The following DNER variants were observed in gnomAD, a reference collection of about 807,000 sequenced individuals.
The protein encoded by DNER is delta/notch like EGF repeat containing.
DNER carries 33 observed loss-of-function variants against 78.2 expected under a neutral mutation model. That is an observed-to-expected ratio of 0.42 (90% CI 0.32 to 0.56). The LOEUF (loss-of-function observed/expected upper bound fraction) is 0.56, where lower values mean the gene tolerates loss of function less well. Among genes scored for constraint, DNER ranks in the 20% least tolerant of loss-of-function variants. The pLI, the probability that DNER is intolerant of heterozygous loss-of-function variation, is 0.11. For synonymous variants in DNER, 417 were observed against 384.8 expected (o/e 1.08, Z -0.98); for missense variants, 918 against 975.3 (o/e 0.94, Z 0.78).
rs1029656000 is a variant in DNER at position 229,521,151 on chromosome 2, A to G, written c.994-8215T>C. On this transcript the variant is annotated intron_variant, in intron 5 of 12. Transcript: ENST00000341772. Reference sequence around the variant, plus strand: ...CATCAAGTTGAGTTGGTTTCCTAACATCGGAAAGCTCTGGAATCATTTTGC... The same window carrying G: ...CATCAAGTTGAGTTGGTTTCCTAACGTCGGAAAGCTCTGGAATCATTTTGC... 4.6e-5 allele frequency among the ~76,000 whole-genome samples: 7 copies of G among 152,232 alleles called. No individual in the cohort carries two copies. The South Asian group carries it at 1.4e-3, about 31-fold the overall frequency.
At chr2:229,644,808 A>G (rs1346112642) in intron 1 of DNER, among the ~76,000 whole-genome samples, 1 of 152,138 alleles carries the variant, frequency 6.6e-6, no homozygotes, top group Non-Finnish European at 1.5e-5. Context: ...TATGGCTCTA[A>G]TTTTTAAACT....
chr2:229,367,478 G>C (rs1023987390), intron 11 of DNER, among the ~76,000 whole-genome samples: 2 of 152,096 alleles, frequency 1.3e-5, no homozygotes, highest in Non-Finnish European at 2.9e-5. Context: ...GTGGATGTCT[G>C]TAATCCCAGC....
At chr2:229,514,515 T>C (rs541252493) in intron 5 of DNER, among the ~76,000 whole-genome samples, 83 of 152,324 alleles carry the variant, frequency 5.4e-4, no homozygotes, top group African/African-American at 1.9e-3. Flanking sequence ...CATCTATTGT[T>C]TTCATCTGTG....
At chr2:229,706,268 G>A (rs2154217797) in intron 1 of DNER, among the ~76,000 whole-genome samples, 1 of 152,144 alleles carries the variant, frequency 6.6e-6, no homozygotes. Flanking sequence ...AAGTATTTTT[G>A]GGCCGGACAC....
intron 5 of DNER, among the ~76,000 whole-genome samples, chr2:229,543,763 G>A (rs936651420): frequency 4.6e-5 from 7 of 152,010 alleles, no homozygotes; most frequent in East Asian, 1.9e-4. Flanking sequence ...TATCAAATAC[G>A]TTCTCCCATA....
At chr2:229,404,109 C>T (rs975132447) in intron 10 of DNER, among the ~76,000 whole-genome samples, 1 of 151,980 alleles carries the variant, frequency 6.6e-6, no homozygotes, top group African/African-American at 2.4e-5. Flanking sequence ...GAGGTGAAGG[C>T]AGCATGGTGC....
intron 7 of DNER, among the ~76,000 whole-genome samples, chr2:229,453,289 G>A (rs537357391): frequency 2.0e-5 from 3 of 152,328 alleles, no homozygotes; most frequent in Admixed American, 6.5e-5. Flanking sequence ...CAGATGGGGG[G>A]ACAATGTGGA....
At chr2:229,602,464 C>T (rs1200891814) in intron 1 of DNER, among the ~76,000 whole-genome samples, 1 of 152,098 alleles carries the variant, frequency 6.6e-6, no homozygotes, top group Non-Finnish European at 1.5e-5. Flanking sequence ...CCATTGAGCA[C>T]TGCACTAAAG....
intron 4 of DNER, among the ~76,000 whole-genome samples, chr2:229,554,919 AGAGAAGAGAAGAGAAGAGAGAAAAGGG>A (rs1574900279): frequency 2.6e-3 from 160 of 61,538 alleles, no homozygotes; most frequent in Middle Eastern, 0.015. Context: ...AGAGAAGAGA[AGAGAAGAGAAGAGAAGAGAGAAAAGGG>A]AAGGGAAGGG....
chr2:229,443,240 A>T (rs1389114525), intron 8 of DNER, among the ~76,000 whole-genome samples: 1 of 152,202 alleles, frequency 6.6e-6, no homozygotes, highest in Admixed American at 6.5e-5. Context: ...CTCAAGTGCA[A>T]ACTATCTTCC....
chr2:229,387,567 G>GAAAGAA (rs1553602561), intron 11 of DNER, among the ~76,000 whole-genome samples: 5 of 142,362 alleles, frequency 3.5e-5, no homozygotes, highest in South Asian at 2.3e-4. Flanking sequence ...AAGAAAGAAA[G>GAAAGAA]AAAAGAAAGA....
intron 5 of DNER, among the ~76,000 whole-genome samples, chr2:229,539,029 C>A (rs1696465445): frequency 6.6e-6 from 1 of 152,180 alleles, no homozygotes; most frequent in African/African-American, 2.4e-5. Context: ...ACACACTGAA[C>A]AGAACGATTA....
At chr2:229,463,208 G>A (rs1475207681) in intron 7 of DNER, among the ~76,000 whole-genome samples, 1 of 152,016 alleles carries the variant, frequency 6.6e-6, no homozygotes. Context: ...CTGAGCTATG[G>A]GAAGTGTGCA....
intron 12 of DNER, among the ~76,000 whole-genome samples, chr2:229,365,805 CT>C (rs1160148839): frequency 2.0e-5 from 3 of 152,212 alleles, no homozygotes; most frequent in Admixed American, 2.0e-4. Flanking sequence ...ACCCATTTCC[CT>C]TGAGCCCCAA....
chr2:229,471,262 G>A (rs1366588680), intron 7 of DNER, among the ~76,000 whole-genome samples: 1 of 151,968 alleles, frequency 6.6e-6, no homozygotes, highest in Admixed American at 6.5e-5. Context: ...TGTTGCTATT[G>A]CCTGCAAATC....
intron 6 of DNER, among the ~76,000 whole-genome samples, chr2:229,482,644 C>A (rs2154211487): frequency 6.6e-6 from 1 of 152,308 alleles, no homozygotes; most frequent in African/African-American, 2.4e-5. Context: ...CAGGATTCAA[C>A]AGAAGCAGTT....
intron 2 of DNER, among the ~76,000 whole-genome samples, chr2:229,588,886 C>T (rs902286877): frequency 1.1e-4 from 16 of 152,188 alleles, no homozygotes; most frequent in African/African-American, 3.4e-4. Context: ...CAGGTAAAAG[C>T]CTAATGACTA....
intron 10 of DNER, among the ~76,000 whole-genome samples, chr2:229,391,932 A>T (rs752494215): frequency 6.6e-6 from 1 of 152,212 alleles, no homozygotes; most frequent in African/African-American, 2.4e-5. Flanking sequence ...ATTTACAAGC[A>T]TACTGATTCT....
chr2:229,482,844 G>A (rs1486437185), intron 6 of DNER, among the ~76,000 whole-genome samples: 1 of 152,148 alleles, frequency 6.6e-6, no homozygotes, highest in Non-Finnish European at 1.5e-5. Context: ...GCACAACAGA[G>A]TAGAAGACCT....
Sources: gnomAD v4.1 joint callset for allele counts (sites outside exome capture counted in the v4.1 genomes callset) on GRCh38, gnomAD v4.1.1 for gene constraint, MANE v1.5 for transcripts, NCBI Gene and HGNC (gene_info 2026-07-23, HGNC 2026-07-21) for gene names.